MCCC1: variants seen among roughly 807,000 people sequenced by gnomAD.
MCCC1 encodes the protein methylcrotonoyl-CoA carboxylase subunit alpha, mitochondrial.
Under a neutral mutation model 83.8 loss-of-function variants are expected in MCCC1, and 64 were observed. The observed-to-expected ratio is 0.76, with a 90% CI of 0.62 to 0.94. The LOEUF is 0.94. Among genes scored for constraint, MCCC1 ranks in the 40% least tolerant of loss-of-function variants. The probability of loss-of-function intolerance (pLI) is 0.00; values close to 1 mark genes in which losing one functional copy is unlikely to be tolerated. For missense variants in MCCC1, 807 were observed against 904.7 expected (o/e 0.89, Z 1.39); for synonymous variants, 322 against 315.4 (o/e 1.02, Z -0.22).
chr3:183,035,449 G>A (rs1035332561), intron 13 of MCCC1, among the ~76,000 whole-genome samples: 2 of 151,550 alleles, frequency 1.3e-5, no homozygotes, highest in African/African-American at 2.4e-5. Context: ...ATAATAATAC[G>A]GGTTCAGTAT....
At chr3:183,085,930 A>G (rs1717863105) in intron 4 of MCCC1, among the ~76,000 whole-genome samples, 1 of 152,204 alleles carries the variant, frequency 6.6e-6, no homozygotes, top group Non-Finnish European at 1.5e-5. Context: ...AACCAGCCTC[A>G]TTAAGCCCTC....
At chr3:183,100,217 A>C (rs1405368173), upstream of MCCC1, among the ~76,000 whole-genome samples, 4 of 152,234 alleles carry the variant, frequency 2.6e-5, no homozygotes, top group Non-Finnish European at 4.4e-5. Context: ...AATCACAGAC[A>C]CAGGAAACAA....
intron 7 of MCCC1, among the ~76,000 whole-genome samples, chr3:183,070,031 C>A (rs550669018): frequency 1.3e-5 from 2 of 152,180 alleles, no homozygotes; most frequent in Non-Finnish European, 2.9e-5. Flanking sequence ...AGTGTCCTCA[C>A]CTGTAAAATG....
chr3:183,073,361 C>T (rs563415057), intron 4 of MCCC1, among the ~76,000 whole-genome samples: 88 of 152,238 alleles, frequency 5.8e-4, no homozygotes, highest in Non-Finnish European at 8.2e-4. Context: ...ATCATGGCAT[C>T]CAAAAGCCCC....
In MCCC1 at chr3:183,034,080, A is replaced by G. The variant is rs1475827624; in HGVS notation, c.1595-3T>C. The stretch of plus-strand genomic sequence containing the variant: ...AGACGAAAATGGAGAGAATTGATCT[A>G]GAAAAAATTTAAAATTCAGTAACAA... On this transcript the variant is annotated splice_region_variant and splice_polypyrimidine_tract_variant and intron_variant, in intron 13 of 18. Transcript: ENST00000265594. The G allele has an allele frequency of 2.5e-6, 4 of 1,600,328 alleles. No individual in the cohort carries two copies. Among genetic ancestry groups the G allele is most frequent in the East Asian group, 4.5e-5 (2 of 44,810 alleles).
intron 7 of MCCC1, among the ~76,000 whole-genome samples, chr3:183,058,299 C>T (rs1431055530): frequency 6.6e-6 from 1 of 152,042 alleles, no homozygotes; most frequent in Non-Finnish European, 1.5e-5. Flanking sequence ...CTCAGAAATA[C>T]ATGAACAATA....
intron 1 of MCCC1, among the ~76,000 whole-genome samples, chr3:183,106,368 T>C (rs555003843): frequency 9.3e-4 from 142 of 152,330 alleles, no homozygotes; most frequent in Non-Finnish European, 1.9e-3. Flanking sequence ...TTTAGGCTGA[T>C]ACTATAGAAA....
intron 7 of MCCC1, among the ~76,000 whole-genome samples, chr3:183,068,870 G>GGTTTGTA (rs1716444764): frequency 6.6e-6 from 1 of 152,202 alleles, no homozygotes; most frequent in Non-Finnish European, 1.5e-5. Context: ...TAGCTCAGGA[G>GGTTTGTA]CAATAGGCTA....
intron 1 of MCCC1, among the ~76,000 whole-genome samples, chr3:183,108,104 A>C (rs1479066468): frequency 6.6e-6 from 1 of 152,176 alleles, no homozygotes; most frequent in Non-Finnish European, 1.5e-5. Flanking sequence ...GTATTGGCTT[A>C]ATGTTATTAC....
chr3:183,035,046 T>C lies in MCCC1; in HGVS notation c.1595-969A>G, dbSNP rs895298065. On this transcript the variant is annotated intron_variant, in intron 13 of 18. Coordinates refer to ENST00000265594, the MANE Select transcript of MCCC1 (RefSeq NM_020166.5). ...ACCCGCCCTGGGCCTCTCAAAGTGTTGGGATTACAGGCATGAGCCACCGCG... is the reference window on the plus strand; with the variant it reads ...ACCCGCCCTGGGCCTCTCAAAGTGTCGGGATTACAGGCATGAGCCACCGCG... Among the ~76,000 whole-genome samples the C allele has an allele frequency of 4.6e-5, 7 of 152,202 alleles. 1 individual carries two copies. In the South Asian group the frequency reaches 1.4e-3, roughly 32 times the overall value.
upstream of MCCC1, among the ~76,000 whole-genome samples, chr3:183,104,096 G>A (rs1021649319): frequency 7.9e-5 from 12 of 152,150 alleles, no homozygotes; most frequent in African/African-American, 1.4e-4. Context: ...CGCAAGCGCC[G>A]CGCGCAGCCC....
chr3:183,043,665 C>T (rs1338863337), intron 10 of MCCC1, among the ~76,000 whole-genome samples: 1 of 152,188 alleles, frequency 6.6e-6, no homozygotes, highest in Non-Finnish European at 1.5e-5. Context: ...ACTCTATAAA[C>T]CAGGTCCAGC....
intron 12 of MCCC1, among the ~76,000 whole-genome samples, chr3:183,038,129 T>C (rs1481080238): frequency 1.3e-5 from 2 of 152,286 alleles, no homozygotes; most frequent in East Asian, 3.9e-4. Context: ...ACATATGATG[T>C]CCCTGCCTTC....
chr3:183,058,838 CA>C (rs1715622766), intron 7 of MCCC1, among the ~76,000 whole-genome samples: 1 of 151,822 alleles, frequency 6.6e-6, no homozygotes, highest in Non-Finnish European at 1.5e-5. Context: ...CATAATACGC[CA>C]TAATACAGAA....
chr3:183,093,658 C>G (rs929596049), intron 2 of MCCC1, among the ~76,000 whole-genome samples: 113 of 151,682 alleles, frequency 7.4e-4, no homozygotes, highest in Middle Eastern at 6.8e-3. Flanking sequence ...GTTATTTCTC[C>G]TTTTAAAAAA....
intron 4 of MCCC1, among the ~76,000 whole-genome samples, chr3:183,085,691 C>T (rs1211221503): frequency 6.6e-6 from 1 of 151,448 alleles, no homozygotes; most frequent in African/African-American, 2.4e-5. Context: ...CCTCTCTCTG[C>T]TCCATCGTCT....
chr3:183,024,848 A>G (rs1712453220), intron 15 of MCCC1, among the ~76,000 whole-genome samples: 1 of 152,164 alleles, frequency 6.6e-6, no homozygotes, highest in Non-Finnish European at 1.5e-5. Context: ...ACCCCTGTTC[A>G]TAGCAGCATT....
rs1280565156 is a variant in MCCC1 at position 183,015,427 on chromosome 3, C to G, written c.*11G>C. ...AAGACACTACTTAACTGGCCATTTC[C>G]TTGCTGGAGTTTATTCCGATTCCCT... On this transcript the variant is annotated 3_prime_UTR_variant, in exon 19 of 19. Coordinates refer to ENST00000265594, the MANE Select transcript of MCCC1 (RefSeq NM_020166.5). The G allele has an allele frequency of 3.1e-6, 5 of 1,614,030 alleles. No individual in the cohort carries two copies. Among genetic ancestry groups the G allele is most frequent in the Non-Finnish European group, 4.2e-6 (5 of 1,180,004 alleles).
chr3:183,039,224 C>T lies in MCCC1; in HGVS notation c.1268-89G>A, dbSNP rs73068841. Reference sequence around the variant, plus strand: ...AAGACATTTTGTTATGTACATTTCACGCTTAATCCTCATAAACCCCTGCAT... The same window carrying T: ...AAGACATTTTGTTATGTACATTTCATGCTTAATCCTCATAAACCCCTGCAT... On this transcript the variant is annotated intron_variant, in intron 11 of 18. Transcript: ENST00000265594. 1,269 of 1,200,356 alleles carry T rather than the reference C, an allele frequency of 1.1e-3. 13 individuals carry two copies. In the African/African-American group the frequency reaches 0.016, roughly 15 times the overall value. The allele number at this position is 1,200,356 out of a possible 1,614,324, so 74.4% of individuals were successfully genotyped here.
Sources: allele counts gnomAD v4.1 joint callset (sites outside exome capture counted in the v4.1 genomes callset), GRCh38; gene constraint gnomAD v4.1.1; transcripts MANE v1.5; gene names NCBI Gene and HGNC (gene_info 2026-07-23, HGNC 2026-07-21).